ME3: variants seen among roughly 807,000 people sequenced by gnomAD.
ME3 encodes the protein malic enzyme 3, also known as NADP-dependent malic enzyme, mitochondrial.
ME3 carries 48 observed loss-of-function variants against 68.9 expected under a neutral mutation model. That is an observed-to-expected ratio of 0.70 (90% confidence interval 0.55 to 0.89). ME3 has a LOEUF of 0.89. Among genes scored for constraint, ME3 ranks in the 40% least tolerant of loss-of-function variants. The pLI is 0.00. For synonymous variants in ME3, 320 were observed against 318.8 expected (o/e 1.00, Z -0.04); for missense variants, 675 against 797.4 (o/e 0.85, Z 1.85).
In ME3 at chr11:86,516,854, C is replaced by T. The variant is rs140334834; in HGVS notation, c.468-7987G>A. On this transcript the variant is annotated intron_variant, in intron 4 of 14. Transcript: ENST00000543262. ...TTCCAAAAAAGACCACAGGTTCTCT[C>T]TTAGCTAGTGCTTGGTCATCAGGGC... is the stretch of plus-strand genomic sequence containing the variant. Among the ~76,000 whole-genome samples, 64 of 152,290 alleles carry T rather than the reference C, an allele frequency of 4.2e-4. 1 individual carries two copies. Among genetic ancestry groups the T allele is most frequent in the African/African-American group, 1.5e-3 (63 of 41,568 alleles).
chr11:86,533,182 A>G (rs544327343), intron 4 of ME3, among the ~76,000 whole-genome samples: 17 of 152,286 alleles, frequency 1.1e-4, no homozygotes, highest in Non-Finnish European at 2.9e-5. Flanking sequence ...AATAAAGACT[A>G]GAAAAATAAT....
At chr11:86,602,646 A>T (rs1416740796) in intron 2 of ME3, among the ~76,000 whole-genome samples, 1 of 152,226 alleles carries the variant, frequency 6.6e-6, no homozygotes, top group South Asian at 2.1e-4. Flanking sequence ...CGCATCAGTA[A>T]GTCAATCCTA....
chr11:86,507,007 C>A (rs1953128170), intron 5 of ME3, among the ~76,000 whole-genome samples: 1 of 152,150 alleles, frequency 6.6e-6, no homozygotes, highest in African/African-American at 2.4e-5. Context: ...CAAAATGATA[C>A]CCAGACACAG....
intron 2 of ME3, among the ~76,000 whole-genome samples, chr11:86,602,816 C>G (rs1214690210): frequency 6.6e-6 from 1 of 152,158 alleles, no homozygotes; most frequent in African/African-American, 2.4e-5. Flanking sequence ...ACTATCTGAT[C>G]TTTGACAAAC....
intron 2 of ME3, among the ~76,000 whole-genome samples, chr11:86,652,496 G>C (rs1057257023): frequency 1.3e-5 from 2 of 152,168 alleles, no homozygotes; most frequent in African/African-American, 4.8e-5. Context: ...GCCAAACTAA[G>C]CTTCATAAGT....
At chr11:86,463,948 G>C (rs778782736) in intron 8 of ME3, 14 of 215,754 alleles carry the variant, frequency 6.5e-5, no homozygotes, top group Non-Finnish European at 1.1e-4. Context: ...TCATAAGACA[G>C]AGATGCTAAT....
exon 8 of ME3, chr11:86,465,144 C>A (rs372229031): frequency 6.2e-7 from 1 of 1,613,816 alleles, no homozygotes; most frequent in Non-Finnish European, 8.5e-7. Flanking sequence ...GTTGAGCAGG[C>A]GGAAGGCATT....
At chr11:86,657,484 A>AGG (rs1202670730) in intron 2 of ME3, among the ~76,000 whole-genome samples, 1 of 110,728 alleles carries the variant, frequency 9.0e-6, no homozygotes, top group East Asian at 2.7e-4. Flanking sequence ...GTGTGGGGCA[A>AGG]GGGGAGGGAT....
intron 4 of ME3, among the ~76,000 whole-genome samples, chr11:86,541,452 T>G (rs964462328): frequency 6.6e-6 from 1 of 152,186 alleles, no homozygotes; most frequent in African/African-American, 2.4e-5. Context: ...ACACTTGAGC[T>G]TGATGGCGGG....
intron 4 of ME3, among the ~76,000 whole-genome samples, chr11:86,517,028 T>C (rs1040403771): frequency 6.6e-6 from 1 of 152,162 alleles, no homozygotes; most frequent in African/African-American, 2.4e-5. Context: ...TTTCATTTGG[T>C]CTGAAAGGCA....
At chr11:86,638,682 T>C (rs1944490082) in intron 2 of ME3, among the ~76,000 whole-genome samples, 1 of 152,200 alleles carries the variant, frequency 6.6e-6, no homozygotes. Context: ...AACAAGCACT[T>C]TAAATAGCTA....
intron 2 of ME3, among the ~76,000 whole-genome samples, chr11:86,576,040 G>A (rs565789246): frequency 5.5e-4 from 84 of 152,250 alleles, no homozygotes; most frequent in Non-Finnish European, 8.1e-4. Context: ...TTTGCTCATC[G>A]ACAAAGCTGG....
intron 4 of ME3, among the ~76,000 whole-genome samples, chr11:86,546,243 A>G (rs185706148): frequency 3.3e-5 from 5 of 152,356 alleles, no homozygotes; most frequent in Admixed American, 1.3e-4. Context: ...ACCATTCAGG[A>G]CACAGACATG....
chr11:86,668,027 G>A (rs2135521374), intron 2 of ME3: 1 of 152,138 alleles, frequency 6.6e-6, no homozygotes, highest in Non-Finnish European at 1.5e-5. Context: ...TAGTTAATTT[G>A]CATCATTTAG....
At chr11:86,645,658 T>C (rs1280947028) in intron 2 of ME3, among the ~76,000 whole-genome samples, 2 of 152,208 alleles carry the variant, frequency 1.3e-5, no homozygotes, top group South Asian at 2.1e-4. Context: ...CTGCCGGCTC[T>C]GAAGAGAACA....
At chr11:86,538,528 G>T (rs1481425263) in intron 4 of ME3, among the ~76,000 whole-genome samples, 2 of 152,084 alleles carry the variant, frequency 1.3e-5, no homozygotes, top group African/African-American at 2.4e-5. Context: ...CCACAACACA[G>T]TTCACAATCT....
At chr11:86,615,946 T>C (rs1465192052) in intron 2 of ME3, among the ~76,000 whole-genome samples, 2 of 152,190 alleles carry the variant, frequency 1.3e-5, no homozygotes, top group African/African-American at 4.8e-5. Context: ...CCTAATTGCA[T>C]AGAATGCATG....
At chr11:86,556,209 T>G (rs1044421262) in intron 4 of ME3, among the ~76,000 whole-genome samples, 1 of 152,230 alleles carries the variant, frequency 6.6e-6, no homozygotes, top group Admixed American at 6.5e-5. Context: ...GCAGGAGAGC[T>G]GTTGGTACTT....
chr11:86,522,375 T>TA (rs1294041206), intron 4 of ME3, among the ~76,000 whole-genome samples: 1 of 151,664 alleles, frequency 6.6e-6, no homozygotes, highest in East Asian at 1.9e-4. Context: ...TTTTTTTTTT[T>TA]ACATTAGGTT....
Sources: gnomAD v4.1 joint callset for allele counts (sites outside exome capture counted in the v4.1 genomes callset) on GRCh38, gnomAD v4.1.1 for gene constraint, MANE v1.5 for transcripts, NCBI Gene and HGNC (gene_info 2026-07-23, HGNC 2026-07-21) for gene names.